The following GRAP2 variants were observed in gnomAD, a reference collection of about 807,000 sequenced individuals.
GRAP2 encodes the protein GRB2 related adaptor protein 2, also known as GRB2-related adapter protein 2.
Under a neutral mutation model 43.5 loss-of-function variants are expected in GRAP2, and 31 were observed. That is an observed-to-expected ratio of 0.71 (90% CI 0.54 to 0.96). The LOEUF (loss-of-function observed/expected upper bound fraction) is 0.96. Ranked by LOEUF, GRAP2 falls within the 40% of genes least tolerant of loss-of-function variation. The pLI, the probability that GRAP2 is intolerant of heterozygous loss-of-function variation, is 0.00. For missense variants in GRAP2, 371 were observed against 424.4 expected (o/e 0.87, Z 1.11); for synonymous variants, 156 against 164.8 (o/e 0.95, Z 0.41).
chr22:39,969,291 T>C (rs1442440325), intron 6 of GRAP2, 120 bp from the exon 7 acceptor site: 3 of 1,135,386 alleles, frequency 2.6e-6, no homozygotes, highest in Non-Finnish European at 3.9e-6. Context: ...TTATTGTCAT[T>C]ATCAGTAAGT....
chr22:39,924,908 TG>T (rs767734072), intron 1 of GRAP2, among the ~76,000 whole-genome samples: 7 of 152,212 alleles, frequency 4.6e-5, no homozygotes, highest in Non-Finnish European at 8.8e-5. Flanking sequence ...AGCTCTGCAC[TG>T]GTTCAGAAGA....
intron 1 of GRAP2, among the ~76,000 whole-genome samples, chr22:39,934,301 G>A (rs941368500): frequency 9.2e-5 from 14 of 152,172 alleles, no homozygotes; most frequent in Non-Finnish European, 1.6e-4. Flanking sequence ...GTTGATTAAA[G>A]GGTGGTCAAT....
intron 1 of GRAP2, among the ~76,000 whole-genome samples, chr22:39,926,049 T>C (rs2066694098): frequency 6.6e-6 from 1 of 152,192 alleles, no homozygotes; most frequent in Non-Finnish European, 1.5e-5. Flanking sequence ...TGTCTATTTA[T>C]ATGTCTGCCT....
At chr22:39,939,333 CA>C (rs1367473433) in intron 1 of GRAP2, among the ~76,000 whole-genome samples, 2 of 152,106 alleles carry the variant, frequency 1.3e-5, no homozygotes, top group African/African-American at 4.8e-5. Flanking sequence ...GAGGCCGAGG[CA>C]GGCAGATCAC....
At chr22:39,900,848 T>C (rs1283543134), upstream of GRAP2, among the ~76,000 whole-genome samples, 1 of 152,182 alleles carries the variant, frequency 6.6e-6, no homozygotes, top group Non-Finnish European at 1.5e-5. Flanking sequence ...GAGTTTTCCT[T>C]AAGATCAGCT....
At chr22:39,965,830 C>T (rs1039884888) in intron 4 of GRAP2, among the ~76,000 whole-genome samples, 160 bp from the exon 5 acceptor site, 1 of 152,200 alleles carries the variant, frequency 6.6e-6, no homozygotes, top group Admixed American at 6.5e-5. Context: ...AAGTTCCTGC[C>T]GAAGCCTGAC....
At chr22:39,965,766 T>A (rs2067165726) in intron 4 of GRAP2, among the ~76,000 whole-genome samples, 1 of 152,220 alleles carries the variant, frequency 6.6e-6, no homozygotes, top group Non-Finnish European at 1.5e-5. Context: ...GATTACCTTC[T>A]GCTGATGTAA....
Position 39,971,157 on chromosome 22 carries a change from C to T in GRAP2, c.*73C>T, listed in dbSNP as rs555105080. 11 of 1,150,086 alleles carry T rather than the reference C, an allele frequency of 9.6e-6. No homozygotes were observed. The African/African-American group carries it at 1.7e-4, about 18-fold the overall frequency. The allele number at this position is 1,150,086 out of a possible 1,614,324, so 71.2% of individuals were successfully genotyped here. Reference sequence around the variant, plus strand: ...GAGGGCAAGGAAAAAAGGCTGGACTCCATGACTATATATACATACATCTAT... The same window carrying T: ...GAGGGCAAGGAAAAAAGGCTGGACTTCATGACTATATATACATACATCTAT... On this transcript the variant is annotated 3_prime_UTR_variant, in exon 8 of 8. Transcript: ENST00000344138.
At chr22:39,954,077 T>C (rs2067019542) in intron 2 of GRAP2, among the ~76,000 whole-genome samples, 1 of 152,224 alleles carries the variant, frequency 6.6e-6, no homozygotes. Context: ...GGAAGTCCAT[T>C]GCCATCTGAC....
intron 1 of GRAP2, among the ~76,000 whole-genome samples, chr22:39,910,439 C>T (rs570171829): frequency 1.3e-5 from 2 of 151,804 alleles, no homozygotes; most frequent in Admixed American, 6.6e-5. Flanking sequence ...GACCAAGTCT[C>T]GCTCTGTCGC....
chr22:39,927,110 T>A (rs2066710771), intron 1 of GRAP2, among the ~76,000 whole-genome samples: 1 of 152,202 alleles, frequency 6.6e-6, no homozygotes, highest in African/African-American at 2.4e-5. Flanking sequence ...TCATGCTCAC[T>A]TCTGTGAGAG....
At chr22:39,934,682 C>T (rs962739014) in intron 1 of GRAP2, among the ~76,000 whole-genome samples, 1 of 152,082 alleles carries the variant, frequency 6.6e-6, no homozygotes, top group Non-Finnish European at 1.5e-5. Flanking sequence ...GGGAAGCACC[C>T]GGGCTTTTGT....
At chr22:39,909,264 A>G (rs928739525) in intron 1 of GRAP2, among the ~76,000 whole-genome samples, 1 of 152,240 alleles carries the variant, frequency 6.6e-6, no homozygotes, top group Non-Finnish European at 1.5e-5. Flanking sequence ...AAGAAGGAGA[A>G]AGTGTGAAGT....
intron 4 of GRAP2, among the ~76,000 whole-genome samples, chr22:39,962,444 C>T (rs2067129508): frequency 6.6e-6 from 1 of 151,818 alleles, no homozygotes; most frequent in African/African-American, 2.4e-5. Context: ...AAATTATTTA[C>T]ATATATTATA....
chr22:39,940,279 G>A (rs2066853793), intron 1 of GRAP2, among the ~76,000 whole-genome samples: 1 of 152,006 alleles, frequency 6.6e-6, no homozygotes, highest in Admixed American at 6.6e-5. Flanking sequence ...CAGGGTGTCT[G>A]CTGGTTTAGA....
At chr22:39,906,301 G>A (rs1601685399) in intron 1 of GRAP2, among the ~76,000 whole-genome samples, 1 of 152,182 alleles carries the variant, frequency 6.6e-6, no homozygotes, top group South Asian at 2.1e-4. Flanking sequence ...CTTAAGAGAC[G>A]ATGGATGACT....
the GRAP2 span, among the ~76,000 whole-genome samples, chr22:39,894,569 C>T: frequency 4.6e-5 from 7 of 152,188 alleles, no homozygotes; most frequent in African/African-American, 1.7e-4. Flanking sequence ...ACCACCAGCA[C>T]GTGATTGCCA....
At chr22:39,958,545 TTGAA>T (rs137999) in intron 3 of GRAP2, among the ~76,000 whole-genome samples, 2 of 151,262 alleles carry the variant, frequency 1.3e-5, no homozygotes, top group Non-Finnish European at 2.9e-5. Context: ...AGTAAAGCTG[TTGAA>T]TGAATGAATG....
chr22:39,907,965 A>G (rs1281729497), intron 1 of GRAP2, among the ~76,000 whole-genome samples: 1 of 152,176 alleles, frequency 6.6e-6, no homozygotes, highest in African/African-American at 2.4e-5. Context: ...ACACTGGTCC[A>G]AACACAGGAT....
Sources: allele counts gnomAD v4.1 joint callset (sites outside exome capture counted in the v4.1 genomes callset), GRCh38; gene constraint gnomAD v4.1.1; transcripts MANE v1.5; gene names NCBI Gene and HGNC (gene_info 2026-07-23, HGNC 2026-07-21).